The following SMIM35 variants were observed in gnomAD, a reference collection of about 807,000 sequenced individuals.
SMIM35 encodes the protein small integral membrane protein 35, also known as TMPRSS4 antisense RNA 1 (non-protein coding).
Position 118,070,656 on chromosome 11 carries a change from C to CG in SMIM35, c.7+16094dup, listed in dbSNP as rs561133614. Among the ~76,000 whole-genome samples the CG allele has an allele frequency of 2.0e-4, 31 of 152,230 alleles. 1 individual carries two copies. In the East Asian group the frequency reaches 5.6e-3, roughly 27 times the overall value. ...TCCTGGAGAGACAGATGAAAAGAAA[C>CG]GGGATGGACTCACAAATAATCTGAA... On this transcript the variant is annotated intron_variant, in intron 1 of 4. Coordinates refer to ENST00000689828, the MANE Select transcript of SMIM35 (RefSeq NM_001394165.1).
chr11:118,045,014 C>A (rs961714423), intron 1 of SMIM35, among the ~76,000 whole-genome samples: 5 of 152,106 alleles, frequency 3.3e-5, no homozygotes, highest in Non-Finnish European at 5.9e-5. Flanking sequence ...TTCTAAAACT[C>A]AAAACCTAAG....
rs183227415 is a variant in SMIM35, at chr11:118,066,886, A to T, written c.7+19865T>A. 4.0e-5 allele frequency among the ~76,000 whole-genome samples: 6 copies of T among 151,120 alleles called. No homozygotes were observed. The East Asian group carries it at 1.2e-3, about 29-fold the overall frequency. On this transcript the variant is annotated intron_variant, in intron 1 of 4. Transcript: ENST00000689828. ...TGGATTTTTTTTTTTGCCAGTTTCT[A>T]TCAAGTAAAATGAGATTGTTACAAT...
intron 1 of SMIM35, chr11:118,059,024 G>C (rs1295978988): frequency 6.6e-6 from 1 of 152,258 alleles, no homozygotes; most frequent in Non-Finnish European, 1.5e-5. Flanking sequence ...TCCAGAGACA[G>C]GGACCATCCC....
In SMIM35 at chr11:118,032,338, T is replaced by A. The variant is rs144654375; in HGVS notation, c.8-16529A>T. Among the ~76,000 whole-genome samples the A allele has an allele frequency of 9.7e-3, 1,472 of 152,300 alleles. 14 individuals carry two copies. Among genetic ancestry groups the A allele is most frequent in the Middle Eastern group, 0.024 (7 of 294 alleles). The stretch of plus-strand genomic sequence containing the variant: ...TGTCATGGTTATGTAGGGAAATGTC[T>A]GTAGGAAATACATTCTAGAGTAATA... On this transcript the variant is annotated intron_variant, in intron 1 of 4. Transcript: ENST00000689828.
At chr11:118,021,055 T>TTTTTTTTGTTTGTTTG (rs1195560284) in intron 1 of SMIM35, among the ~76,000 whole-genome samples, 1 of 151,812 alleles carries the variant, frequency 6.6e-6, no homozygotes, top group South Asian at 2.1e-4. Context: ...AGGTTTTTTT[T>TTTTTTTTGTTTGTTTG]TTTACTATTT....
At chr11:118,035,679 C>A (rs1038204183) in intron 1 of SMIM35, among the ~76,000 whole-genome samples, 13 of 152,112 alleles carry the variant, frequency 8.5e-5, no homozygotes, top group African/African-American at 2.9e-4. Flanking sequence ...AGGATTCCCT[C>A]CTGGAGACTC....
chr11:118,014,839 G>A (rs1368601498), intron 2 of SMIM35, 98 bp from the exon 3 acceptor site: 2 of 397,656 alleles, frequency 5.0e-6, no homozygotes, highest in Non-Finnish European at 8.9e-6. Flanking sequence ...CCTGTCTGGA[G>A]GAGTAGGGTG....
At chr11:118,015,623 G>A (rs1023072928) in intron 2 of SMIM35, 70 bp downstream of exon 2, 2 of 399,164 alleles carry the variant, frequency 5.0e-6, no homozygotes, top group Admixed American at 4.4e-5. Flanking sequence ...GCCCTGCCGG[G>A]CATTGCCAAC....
chr11:118,080,079 G>A (rs1009306039), intron 1 of SMIM35, among the ~76,000 whole-genome samples: 2 of 152,196 alleles, frequency 1.3e-5, no homozygotes, highest in Admixed American at 6.5e-5. Context: ...TCTAAATGGG[G>A]CTGGGGATTG....
chr11:118,075,672 G>A (rs1214103682), intron 1 of SMIM35, among the ~76,000 whole-genome samples: 1 of 152,182 alleles, frequency 6.6e-6, no homozygotes, highest in African/African-American at 2.4e-5. Context: ...ACAGAAGCAC[G>A]TTATCAACAG....
chr11:118,072,341 A>G (rs1033445272), intron 1 of SMIM35, among the ~76,000 whole-genome samples: 1 of 152,198 alleles, frequency 6.6e-6, no homozygotes, highest in Non-Finnish European at 1.5e-5. Context: ...GAAAAAAGTT[A>G]GCTGGGTGTG....
At chr11:118,029,737 C>T (rs1379471765) in intron 1 of SMIM35, 6 of 457,290 alleles carry the variant, frequency 1.3e-5, no homozygotes, top group Non-Finnish European at 2.6e-5. Context: ...CCCAGAAACA[C>T]CAGCACCAGA....
intron 4 of SMIM35, among the ~76,000 whole-genome samples, chr11:118,009,734 A>T (rs963685930): frequency 1.3e-5 from 2 of 152,144 alleles, no homozygotes; most frequent in Non-Finnish European, 1.5e-5. Flanking sequence ...TTAAAAAAAA[A>T]AAAAAAAAAA....
At chr11:118,011,509 T>C (rs556835184) in intron 4 of SMIM35, among the ~76,000 whole-genome samples, 1 of 152,108 alleles carries the variant, frequency 6.6e-6, no homozygotes, top group South Asian at 2.1e-4. Flanking sequence ...CTGGCCAACA[T>C]AGTGAAACCC....
intron 1 of SMIM35, among the ~76,000 whole-genome samples, chr11:118,071,852 C>T (rs1447355748): frequency 6.6e-6 from 1 of 152,190 alleles, no homozygotes; most frequent in Non-Finnish European, 1.5e-5. Context: ...GGAATGCAGA[C>T]TCTGACTGAA....
intron 1 of SMIM35, among the ~76,000 whole-genome samples, chr11:118,051,303 TCTCCCAC>T (rs1944209762): frequency 6.6e-6 from 1 of 152,084 alleles, no homozygotes; most frequent in African/African-American, 2.4e-5. Flanking sequence ...CACCCCTGGG[TCTCCCAC>T]AAGCCAGCTC....
intron 1 of SMIM35, among the ~76,000 whole-genome samples, chr11:118,047,302 A>G (rs193091535): frequency 1.3e-5 from 2 of 152,392 alleles, no homozygotes; most frequent in Admixed American, 1.3e-4. Context: ...TTAACCAATT[A>G]ACAAGCATTC....
chr11:118,078,509 G>A (rs972857926), intron 1 of SMIM35, among the ~76,000 whole-genome samples: 1 of 152,218 alleles, frequency 6.6e-6, no homozygotes, highest in African/African-American at 2.4e-5. Flanking sequence ...GAAAGGGGAA[G>A]GGGCTTCCCT....
intron 1 of SMIM35, among the ~76,000 whole-genome samples, chr11:118,031,330 A>G (rs1465303765): frequency 6.6e-6 from 1 of 152,158 alleles, no homozygotes; most frequent in Non-Finnish European, 1.5e-5. Flanking sequence ...TCTGAATGCC[A>G]TTTTCCACTC....
Sources: allele counts gnomAD v4.1 joint callset (sites outside exome capture counted in the v4.1 genomes callset), GRCh38; gene constraint gnomAD v4.1.1; transcripts MANE v1.5; gene names NCBI Gene and HGNC (gene_info 2026-07-23, HGNC 2026-07-21).